The following GPC5 variants were observed in gnomAD, a reference collection of about 807,000 sequenced individuals.
GPC5 encodes the protein glypican 5.
In GPC5, 47 loss-of-function variants were observed where a neutral mutation model predicts 53.9. That is an observed-to-expected ratio of 0.87 (90% CI 0.69 to 1.11). GPC5 has a LOEUF of 1.11. Among genes scored for constraint, GPC5 ranks in the 50% most tolerant of loss-of-function variants. The pLI, the probability that GPC5 is intolerant of heterozygous loss-of-function variation, is 0.00. For missense variants in GPC5, 748 were observed against 713.1 expected, an observed-to-expected ratio of 1.05 and a Z score of -0.56; for synonymous variants, 286 against 263.3, an observed-to-expected ratio of 1.09 and a Z score of -0.84.
chr13:92,654,895 A>T (rs769235986), intron 7 of GPC5, among the ~76,000 whole-genome samples: 39 of 152,210 alleles, frequency 2.6e-4, no homozygotes, highest in Non-Finnish European at 5.1e-4. Flanking sequence ...TAAAGATCTG[A>T]AATCCAATAT....
At chr13:91,482,292 G>A (rs536812778) in intron 2 of GPC5, among the ~76,000 whole-genome samples, 4 of 152,154 alleles carry the variant, frequency 2.6e-5, no homozygotes, top group Non-Finnish European at 5.9e-5. Context: ...GGAGAATGTA[G>A]TGTTCAAGGT....
At chr13:91,845,992 A>G (rs1363118192) in intron 5 of GPC5, among the ~76,000 whole-genome samples, 2 of 152,170 alleles carry the variant, frequency 1.3e-5, no homozygotes, top group Admixed American at 6.5e-5. Context: ...TGGGGCTTTA[A>G]CCATCATCAT....
chr13:91,490,573 G>A (rs1883886049), intron 2 of GPC5, among the ~76,000 whole-genome samples: 1 of 152,146 alleles, frequency 6.6e-6, no homozygotes, highest in African/African-American at 2.4e-5. Flanking sequence ...GCAAGCTAAT[G>A]ATAAATAAAT....
intron 2 of GPC5, among the ~76,000 whole-genome samples, chr13:91,615,487 T>C (rs2033671004): frequency 6.6e-6 from 1 of 152,184 alleles, no homozygotes; most frequent in Admixed American, 6.6e-5. Context: ...TTATTTTGCA[T>C]GACCATATGA....
rs188070808 is a variant in GPC5, at chr13:91,413,051, G to A, written c.163+13842G>A. Among the ~76,000 whole-genome samples the A allele has an allele frequency of 1.1e-3, 162 of 152,316 alleles. 1 individual carries two copies. The highest frequency in any genetic ancestry group is 3.8e-3 in the African/African-American group (158 of 41,564). ...AATCTGAGCACTTTGGGAGGCCAAG[G>A]CAGGAGGATTTCTTGAGCTCAGAAG... On this transcript the variant is annotated intron_variant, in intron 1 of 7. Transcript: ENST00000377067.
At chr13:92,610,082 A>G (rs1285788565) in intron 7 of GPC5, among the ~76,000 whole-genome samples, 1 of 151,308 alleles carries the variant, frequency 6.6e-6, no homozygotes, top group African/African-American at 2.4e-5. Flanking sequence ...CAGCCTTAAC[A>G]TTTCCTTAAA....
intron 7 of GPC5, among the ~76,000 whole-genome samples, chr13:92,248,476 T>C (rs1354994682): frequency 6.6e-6 from 1 of 152,168 alleles, no homozygotes; most frequent in East Asian, 1.9e-4. Flanking sequence ...CTTCAGCAAG[T>C]TACTTAGCCT....
Position 91,607,452 on chromosome 13 carries a change from A to G in GPC5, c.326-85735A>G, listed in dbSNP as rs149007177. Among the ~76,000 whole-genome samples the G allele has an allele frequency of 2.4e-3, 358 of 152,340 alleles. 2 individuals are homozygous for G. Among genetic ancestry groups the G allele is most frequent in the African/African-American group, 8.2e-3 (341 of 41,586 alleles). ...TGTGCTTTTCCTATCAAAAGGGAAC[A>G]TGATGGTGATGTAACTAGACAGCCT... On this transcript the variant is annotated intron_variant, in intron 2 of 7. Transcript: ENST00000377067.
chr13:91,843,148 G>T (rs1184542390), intron 5 of GPC5, among the ~76,000 whole-genome samples: 1 of 152,084 alleles, frequency 6.6e-6, no homozygotes, highest in Non-Finnish European at 1.5e-5. Context: ...TTTTGTCTGT[G>T]CTACACACCA....
chr13:92,023,979 T>C (rs1408917969), intron 6 of GPC5, among the ~76,000 whole-genome samples: 2 of 152,116 alleles, frequency 1.3e-5, no homozygotes, highest in African/African-American at 4.8e-5. Flanking sequence ...GGTGACATTA[T>C]TGTACCCATT....
At position 92,866,279 on chromosome 13, in the gene GPC5, C is replaced by T; in HGVS notation, c.1562-3C>T. The T allele has an allele frequency of 6.2e-7, 1 of 1,608,044 alleles. No homozygotes were observed. Among genetic ancestry groups the T allele is most frequent in the Middle Eastern group, 1.7e-4 (1 of 6,018 alleles). ...ACCTGTGCTTTCTTATTTGCCTCTA[C>T]AGGGATGCCAGATGATATGAACTTC... On this transcript the variant is annotated splice_region_variant and splice_polypyrimidine_tract_variant and intron_variant, in intron 7 of 7. Coordinates refer to ENST00000377067, the MANE Select transcript of GPC5 (RefSeq NM_004466.6).
chr13:92,797,314 A>C (rs1319435883), intron 7 of GPC5, among the ~76,000 whole-genome samples: 1 of 151,930 alleles, frequency 6.6e-6, no homozygotes, highest in Non-Finnish European at 1.5e-5. Flanking sequence ...ATGATCACTT[A>C]ATATATGAAT....
At chr13:92,672,388 T>C (rs1886783082) in intron 7 of GPC5, among the ~76,000 whole-genome samples, 1 of 152,104 alleles carries the variant, frequency 6.6e-6, no homozygotes, top group Admixed American at 6.6e-5. Context: ...AAATAACAGA[T>C]GATGGCAAAG....
rs1215484160 is a variant in GPC5, at chr13:91,822,520, GAAAGCTTT to G, written c.1280+66101_1280+66108del. ...TCAAGATAATATTAACATTCTTTGT[GAAAGCTTT>G]TTATTTTACTAGGCAAGAGAACTTG... On this transcript the variant is annotated intron_variant, in intron 5 of 7. Transcript: ENST00000377067. Among the ~76,000 whole-genome samples, 5 of 152,126 alleles carry G rather than the reference GAAAGCTTT, an allele frequency of 3.3e-5. No individual in the cohort carries two copies. The East Asian group carries it at 9.6e-4, about 29-fold the overall frequency.
intron 2 of GPC5, among the ~76,000 whole-genome samples, chr13:91,533,204 G>A (rs1266282747): frequency 1.3e-5 from 2 of 152,294 alleles, no homozygotes; most frequent in African/African-American, 4.8e-5. Context: ...AGAGCTAAAT[G>A]TGGAGTGACT....
intron 5 of GPC5, among the ~76,000 whole-genome samples, chr13:91,820,611 G>C (rs1304083838): frequency 1.3e-5 from 2 of 152,116 alleles, no homozygotes; most frequent in African/African-American, 4.8e-5. Context: ...ACCATAGTTT[G>C]CTAATCAGTA....
intron 6 of GPC5, among the ~76,000 whole-genome samples, chr13:92,054,378 T>C (rs2138843257): frequency 6.6e-6 from 1 of 152,316 alleles, no homozygotes; most frequent in African/African-American, 2.4e-5. Flanking sequence ...TGAAATAGTG[T>C]GCATTCTTTC....
intron 7 of GPC5, among the ~76,000 whole-genome samples, chr13:92,617,392 A>G (rs1226076033): frequency 7.2e-5 from 11 of 152,094 alleles, no homozygotes; most frequent in Admixed American, 2.6e-4. Flanking sequence ...CAAAACACCC[A>G]CATTTTACTA....
intron 2 of GPC5, among the ~76,000 whole-genome samples, chr13:91,637,968 A>T (rs867458755): frequency 6.6e-6 from 1 of 152,230 alleles, no homozygotes; most frequent in Non-Finnish European, 1.5e-5. Flanking sequence ...TATACTTGAT[A>T]GAAAGGAATT....
Sources: gnomAD v4.1 joint callset for allele counts (sites outside exome capture counted in the v4.1 genomes callset) on GRCh38, gnomAD v4.1.1 for gene constraint, MANE v1.5 for transcripts, NCBI Gene and HGNC (gene_info 2026-07-23, HGNC 2026-07-21) for gene names.